RBM26: variants seen among roughly 807,000 people sequenced by gnomAD.
The protein encoded by RBM26 is RNA-binding protein 26.
In RBM26, 30 loss-of-function variants were observed where a neutral mutation model predicts 123.6. The observed-to-expected ratio is 0.24, with a 90% confidence interval of 0.18 to 0.33. RBM26 has a LOEUF of 0.33. Among genes scored for constraint, RBM26 ranks in the 10% least tolerant of loss-of-function variants. The pLI is 1.00. For missense variants in RBM26, 947 were observed against 1,203.6 expected, an observed-to-expected ratio of 0.79 and a Z score of 3.15; for synonymous variants, 400 against 404.4, an observed-to-expected ratio of 0.99 and a Z score of 0.13.
At chr13:79,366,539 T>C in intron 7 of RBM26, 94 bp downstream of exon 7, 3 of 1,290,918 alleles carry the variant, frequency 2.3e-6, no homozygotes, top group Non-Finnish European at 3.2e-6. Flanking sequence ...TTTTTGGGAT[T>C]CCTTTAGATA....
chr13:79,345,793 C>A (rs894180678), intron 14 of RBM26, among the ~76,000 whole-genome samples: 2 of 152,010 alleles, frequency 1.3e-5, no homozygotes, highest in Non-Finnish European at 2.9e-5. Context: ...CTGCACTAAA[C>A]TAGACTGAAA....
chr13:79,335,380 A>G (rs1448968718), intron 19 of RBM26, among the ~76,000 whole-genome samples: 1 of 152,100 alleles, frequency 6.6e-6, no homozygotes, highest in African/African-American at 2.4e-5. Flanking sequence ...AATTATTGTA[A>G]GGCACTCAGA....
chr13:79,336,598 C>T (rs904627128), intron 19 of RBM26, among the ~76,000 whole-genome samples: 2 of 152,092 alleles, frequency 1.3e-5, no homozygotes, highest in African/African-American at 4.8e-5. Flanking sequence ...TCCCATTCTC[C>T]CTTCTTGTAG....
intron 1 of RBM26, among the ~76,000 whole-genome samples, chr13:79,391,129 G>A (rs555893093): frequency 5.3e-5 from 8 of 152,168 alleles, no homozygotes; most frequent in Non-Finnish European, 8.8e-5. Flanking sequence ...GGACATGGAT[G>A]ATACTACTTG....
chr13:79,340,242 C>T (rs1313784529), intron 18 of RBM26, among the ~76,000 whole-genome samples: 1 of 151,772 alleles, frequency 6.6e-6, no homozygotes, highest in Non-Finnish European at 1.5e-5. Context: ...AAGGTATGAA[C>T]ATTTAGGACA....
intron 1 of RBM26, 48 bp from the exon 2 acceptor site, chr13:79,378,955 C>T: frequency 8.9e-7 from 1 of 1,123,386 alleles, no homozygotes; most frequent in Non-Finnish European, 1.3e-6. Flanking sequence ...ACTGCACATT[C>T]TACAAATTCC....
rs571808437 is a variant in RBM26 at position 79,405,437 on chromosome 13, G to A, written c.71+267C>T. On this transcript the variant is annotated intron_variant, in intron 1 of 21. Transcript: ENST00000438737. ...AAAATAAACCGATTTTGAGGCCCCC[G>A]GAAAATATTGCGGGTGGGGGTTGGA... Among the ~76,000 whole-genome samples the A allele has an allele frequency of 1.2e-4, 18 of 152,082 alleles. No homozygotes were observed. In the East Asian group the frequency reaches 3.5e-3, roughly 29 times the overall value.
intron 20 of RBM26, among the ~76,000 whole-genome samples, chr13:79,331,435 A>G (rs957538455): frequency 4.4e-4 from 64 of 146,968 alleles, no homozygotes; most frequent in Non-Finnish European, 8.2e-4. Context: ...CCTGGCTAAC[A>G]TGGTGAAACC....
At position 79,395,255 on chromosome 13, in the gene RBM26, C is replaced by T. The variant is rs141506932; in HGVS notation, c.71+10449G>A. On this transcript the variant is annotated intron_variant, in intron 1 of 21. Coordinates refer to ENST00000438737, the MANE Select transcript of RBM26 (RefSeq NM_001366735.2). ...GAGACTGTCCAGATAATAGATTAGA[C>T]GGGGACTTCACAATAATGATAAAAA... is the stretch of plus-strand genomic sequence containing the variant. Among the ~76,000 whole-genome samples the T allele has an allele frequency of 1.4e-4, 22 of 152,154 alleles. No homozygotes were observed. The East Asian group carries it at 3.1e-3, about 21-fold the overall frequency.
At chr13:79,357,965 C>T (rs1307975101) in intron 11 of RBM26, among the ~76,000 whole-genome samples, 1 of 150,002 alleles carries the variant, frequency 6.7e-6, no homozygotes. Flanking sequence ...TCGCTGCAAC[C>T]TTAGCCTCCC....
intron 14 of RBM26, among the ~76,000 whole-genome samples, chr13:79,347,721 C>T (rs2072568240): frequency 6.6e-6 from 1 of 152,086 alleles, no homozygotes; most frequent in Non-Finnish European, 1.5e-5. Context: ...ATGTCATCTG[C>T]AAGTAAACAG....
intron 19 of RBM26, among the ~76,000 whole-genome samples, chr13:79,335,321 C>T (rs1395292641): frequency 2.0e-5 from 3 of 151,934 alleles, no homozygotes; most frequent in East Asian, 1.9e-4. Flanking sequence ...CTAAAATGGG[C>T]GTAAATAAAG....
At chr13:79,371,767 A>T in intron 4 of RBM26, 75 bp downstream of exon 4, 4 of 1,064,790 alleles carry the variant, frequency 3.8e-6, no homozygotes, top group Non-Finnish European at 5.8e-6. Context: ...TGCGTAAAAG[A>T]TAACCCAAGT....
chr13:79,369,213 T>C (rs1270668216), intron 5 of RBM26, among the ~76,000 whole-genome samples: 1 of 152,204 alleles, frequency 6.6e-6, no homozygotes, highest in African/African-American at 2.4e-5. Flanking sequence ...TGCTGCCATA[T>C]TTAATGTTTT....
intron 18 of RBM26, among the ~76,000 whole-genome samples, chr13:79,338,350 TA>T (rs1321084307): frequency 1.5e-5 from 2 of 131,342 alleles, no homozygotes; most frequent in South Asian, 2.7e-4. Flanking sequence ...TCCCTCAAGA[TA>T]TTTTTTTTTC....
At chr13:79,347,783 C>A (rs535786146) in intron 14 of RBM26, among the ~76,000 whole-genome samples, 1 of 149,204 alleles carries the variant, frequency 6.7e-6, no homozygotes, top group Admixed American at 6.8e-5. Flanking sequence ...CTTAGTGCAC[C>A]CATGAGTCTC....
At chr13:79,398,217 A>T (rs932627652) in intron 1 of RBM26, among the ~76,000 whole-genome samples, 1 of 152,234 alleles carries the variant, frequency 6.6e-6, no homozygotes, top group South Asian at 2.1e-4. Context: ...AGGGAAAAAA[A>T]TCTTACAAGC....
chr13:79,396,684 G>GT (rs148866587), intron 1 of RBM26, among the ~76,000 whole-genome samples: 1 of 151,454 alleles, frequency 6.6e-6, no homozygotes, highest in Non-Finnish European at 1.5e-5. Flanking sequence ...AAAAAAAATA[G>GT]AACCCTAAAT....
intron 5 of RBM26, among the ~76,000 whole-genome samples, chr13:79,369,809 TATA>T (rs929004257): frequency 2.6e-5 from 4 of 151,978 alleles, no homozygotes; most frequent in African/African-American, 9.7e-5. Flanking sequence ...ATAACTGATA[TATA>T]ATAAACTGAA....
Sources: gnomAD v4.1 joint callset for allele counts (sites outside exome capture counted in the v4.1 genomes callset) on GRCh38, gnomAD v4.1.1 for gene constraint, MANE v1.5 for transcripts, NCBI Gene and HGNC (gene_info 2026-07-23, HGNC 2026-07-21) for gene names.